Variants in SNAP25 observed in about 807,000 individuals in gnomAD.
The protein encoded by SNAP25 is synaptosomal-associated protein 25.
Under a neutral mutation model 28.7 loss-of-function variants are expected in SNAP25, and 3 were observed. The ratio of observed to expected loss-of-function variants is 0.10; its 90% CI spans 0.05 to 0.27. SNAP25 has a LOEUF of 0.27. Among genes scored for constraint, SNAP25 ranks in the 10% least tolerant of loss-of-function variants. The pLI, the probability that SNAP25 is intolerant of heterozygous loss-of-function variation, is 1.00. For missense variants in SNAP25, 117 were observed against 278.7 expected, an observed-to-expected ratio of 0.42 and a Z score of 4.13; for synonymous variants, 61 against 88.1, an observed-to-expected ratio of 0.69 and a Z score of 1.72.
chr20:10,271,717 TG>T (rs1478361401), intron 1 of SNAP25, among the ~76,000 whole-genome samples: 1 of 151,730 alleles, frequency 6.6e-6, no homozygotes, highest in Non-Finnish European at 1.5e-5. Context: ...TGAGTATGTG[TG>T]AGAGAGAGGG....
intron 1 of SNAP25, among the ~76,000 whole-genome samples, chr20:10,263,009 CTTTTTTTTTTT>C (rs57690835): frequency 5.9e-5 from 3 of 50,634 alleles, no homozygotes; most frequent in Middle Eastern, 0.028. Flanking sequence ...CTGGGGTGCT[CTTTTTTTTTTT>C]TTTTTTTTTT....
At chr20:10,268,884 A>T (rs1568603650) in intron 1 of SNAP25, among the ~76,000 whole-genome samples, 1 of 151,984 alleles carries the variant, frequency 6.6e-6, no homozygotes, top group African/African-American at 2.4e-5. Flanking sequence ...CTGATGCTAA[A>T]CATCTGTCTC....
intron 1 of SNAP25, among the ~76,000 whole-genome samples, chr20:10,257,713 A>G (rs893557847): frequency 6.6e-6 from 1 of 150,746 alleles, no homozygotes; most frequent in African/African-American, 2.5e-5. Context: ...CTCCGTCTCA[A>G]AAACAAAACA....
chr20:10,273,494 C>T (rs1013906321), intron 1 of SNAP25, among the ~76,000 whole-genome samples: 12 of 152,300 alleles, frequency 7.9e-5, no homozygotes, highest in Middle Eastern at 3.4e-3. Context: ...CATTTTTCTC[C>T]ATGCAGGGAT....
intron 7 of SNAP25, among the ~76,000 whole-genome samples, chr20:10,302,528 C>T (rs2064264731): frequency 6.6e-6 from 1 of 152,152 alleles, no homozygotes; most frequent in African/African-American, 2.4e-5. Context: ...TGAAGAGATT[C>T]CCGGAGCGTT....
At chr20:10,276,597 C>A (rs140557692) in intron 2 of SNAP25, among the ~76,000 whole-genome samples, 45 of 152,232 alleles carry the variant, frequency 3.0e-4, no homozygotes, top group African/African-American at 8.9e-4. Flanking sequence ...TTTCTTCTTA[C>A]TCATTAATAT....
chr20:10,268,854 A>G (rs2063547848), intron 1 of SNAP25, among the ~76,000 whole-genome samples: 1 of 151,992 alleles, frequency 6.6e-6, no homozygotes, highest in African/African-American at 2.4e-5. Context: ...ACAGTGACAG[A>G]CCCTCAGATG....
At chr20:10,234,022 C>A (rs1404904330) in intron 1 of SNAP25, among the ~76,000 whole-genome samples, 1 of 152,162 alleles carries the variant, frequency 6.6e-6, no homozygotes, top group Non-Finnish European at 1.5e-5. Flanking sequence ...TTCTGAAGTT[C>A]TCCTTTTGGA....
intron 1 of SNAP25, chr20:10,231,347 T>G (rs1424363805): frequency 6.6e-6 from 1 of 152,218 alleles, no homozygotes; most frequent in Non-Finnish European, 1.5e-5. Flanking sequence ...GCTGAGATTT[T>G]TAAATTGTAT....
chr20:10,270,516 T>C (rs1600723710), intron 1 of SNAP25, among the ~76,000 whole-genome samples: 1 of 152,004 alleles, frequency 6.6e-6, no homozygotes, highest in Non-Finnish European at 1.5e-5. Context: ...CTGGCCAACA[T>C]GGTGAAACCC....
intron 1 of SNAP25, among the ~76,000 whole-genome samples, chr20:10,266,955 A>G (rs1418480845): frequency 6.6e-6 from 1 of 152,120 alleles, no homozygotes; most frequent in Non-Finnish European, 1.5e-5. Flanking sequence ...GACAGAATGG[A>G]CTTTCTTTTC....
At chr20:10,239,179 G>A (rs1279351462) in intron 1 of SNAP25, among the ~76,000 whole-genome samples, 2 of 152,168 alleles carry the variant, frequency 1.3e-5, no homozygotes, top group Admixed American at 6.5e-5. Context: ...GGAAGAGTAG[G>A]GGGCCTCGAG....
At chr20:10,305,960 A>G (rs1468356187) in intron 7 of SNAP25, among the ~76,000 whole-genome samples, 169 bp from the exon 8 acceptor site, 2 of 152,102 alleles carry the variant, frequency 1.3e-5, no homozygotes, top group Non-Finnish European at 2.9e-5. Flanking sequence ...GGTCACATTC[A>G]AATAGAGCCA....
chr20:10,224,461 C>A (rs2062698957), intron 1 of SNAP25, among the ~76,000 whole-genome samples: 1 of 151,294 alleles, frequency 6.6e-6, no homozygotes, highest in Admixed American at 6.6e-5. Flanking sequence ...TCTTTACTGG[C>A]AGAATGATAG....
chr20:10,260,721 A>T (rs1189965378), intron 1 of SNAP25, among the ~76,000 whole-genome samples: 1 of 146,562 alleles, frequency 6.8e-6, no homozygotes, highest in Non-Finnish European at 1.5e-5. Context: ...ACACACACAC[A>T]CAAACACACA....
Position 10,220,266 on chromosome 20 carries a change from G to A in SNAP25, c.-64+1289G>A, listed in dbSNP as rs2062605084. ...TCCTTGCAATCAGGCATGAATACAA[G>A]CATTCATCCACAAAAACACATATCT... On this transcript the variant is annotated intron_variant, in intron 1 of 7. Transcript: ENST00000254976. 3.9e-5 allele frequency among the ~76,000 whole-genome samples: 6 copies of A among 152,158 alleles called. No homozygotes were observed. The South Asian group carries it at 8.3e-4, about 21-fold the overall frequency.
At chr20:10,273,213 A>G (rs1281403963) in intron 1 of SNAP25, among the ~76,000 whole-genome samples, 1 of 152,128 alleles carries the variant, frequency 6.6e-6, no homozygotes, top group African/African-American at 2.4e-5. Context: ...CATGCAAATA[A>G]TAATAATAAT....
intron 1 of SNAP25, among the ~76,000 whole-genome samples, chr20:10,223,087 G>C (rs1420311576): frequency 6.6e-6 from 1 of 152,166 alleles, no homozygotes; most frequent in Non-Finnish European, 1.5e-5. Context: ...AGCATGTTTT[G>C]AGCAGCATGA....
chr20:10,284,746 CTT>C lies in SNAP25; in HGVS notation c.139_140del (p.Leu47GlyfsTer5). The C allele has an allele frequency of 6.2e-7, 1 of 1,613,258 alleles. No individual in the cohort carries two copies. Among genetic ancestry groups the C allele is most frequent in the Non-Finnish European group, 8.5e-7 (1 of 1,179,508 alleles). On this transcript the variant is annotated frameshift_variant, in exon 4 of 8. Transcript: ENST00000254976. LOFTEE classifies it high-confidence loss of function. ...TAGAGTAAAGATGCTGGTATCAGGA[CTT>C]TGGTTATGTTGGATGAACAAGGAGG...
Sources: allele counts gnomAD v4.1 joint callset (sites outside exome capture counted in the v4.1 genomes callset), GRCh38; gene constraint gnomAD v4.1.1; transcripts MANE v1.5; gene names NCBI Gene and HGNC (gene_info 2026-07-23, HGNC 2026-07-21).